The following CNTNAP2 variants were observed in gnomAD, a reference collection of about 807,000 sequenced individuals.
The protein encoded by CNTNAP2 is contactin-associated protein-like 2.
CNTNAP2 carries 98 observed loss-of-function variants against 155.2 expected under a neutral mutation model. The ratio of observed to expected loss-of-function variants is 0.63; its 90% CI spans 0.54 to 0.75. The LOEUF is 0.75. CNTNAP2 is among the 30% of genes least tolerant of loss of function. The pLI is 0.00. For missense variants in CNTNAP2, 1,727 were observed against 1,688.1 expected, an observed-to-expected ratio of 1.02 and a Z score of -0.40; for synonymous variants, 651 against 631.2, an observed-to-expected ratio of 1.03 and a Z score of -0.47.
intron 4 of CNTNAP2, among the ~76,000 whole-genome samples, chr7:147,104,483 T>C (rs1239898682): frequency 2.6e-5 from 4 of 151,896 alleles, no homozygotes; most frequent in Admixed American, 6.6e-5. Flanking sequence ...TCATTGGTTA[T>C]TTCAGTAAAA....
intron 1 of CNTNAP2, among the ~76,000 whole-genome samples, chr7:146,512,504 T>C (rs1187021376): frequency 6.6e-6 from 1 of 151,140 alleles, no homozygotes; most frequent in East Asian, 1.9e-4. Context: ...TTCTCTTGTT[T>C]CTTTTTTTTT....
At chr7:146,245,933 G>A (rs190899939) in intron 1 of CNTNAP2, among the ~76,000 whole-genome samples, 3 of 123,522 alleles carry the variant, frequency 2.4e-5, no homozygotes, top group Admixed American at 6.9e-5. Flanking sequence ...GATAGGGTTT[G>A]GCACCATGAG....
At chr7:148,269,826 G>A (rs1201342251) in intron 21 of CNTNAP2, among the ~76,000 whole-genome samples, 1 of 152,122 alleles carries the variant, frequency 6.6e-6, no homozygotes, top group Non-Finnish European at 1.5e-5. Context: ...TCTACCAGAG[G>A]TACTCCCACG....
intron 10 of CNTNAP2, among the ~76,000 whole-genome samples, chr7:147,418,574 G>C (rs184171706): frequency 9.3e-4 from 141 of 152,304 alleles, no homozygotes; most frequent in South Asian, 1.9e-3. Context: ...CCAGAGTAAT[G>C]ATAGTCTAAA....
chr7:147,404,447 T>C (rs560287430), intron 10 of CNTNAP2, among the ~76,000 whole-genome samples: 1 of 152,320 alleles, frequency 6.6e-6, no homozygotes, highest in African/African-American at 2.4e-5. Flanking sequence ...TTCTTTCAGG[T>C]AGATACGTTC....
chr7:148,082,736 T>C (rs966591240), intron 15 of CNTNAP2, among the ~76,000 whole-genome samples: 3 of 152,166 alleles, frequency 2.0e-5, no homozygotes, highest in Non-Finnish European at 4.4e-5. Context: ...TGGAGTGCAA[T>C]GGCACCATCT....
chr7:146,223,371 G>T (rs1190656629), intron 1 of CNTNAP2, among the ~76,000 whole-genome samples: 1 of 152,204 alleles, frequency 6.6e-6, no homozygotes, highest in Non-Finnish European at 1.5e-5. Context: ...AAGGCAACAG[G>T]TCTTCTTGGG....
intron 1 of CNTNAP2, among the ~76,000 whole-genome samples, chr7:146,352,990 G>T (rs776704014): frequency 2.0e-4 from 30 of 151,864 alleles, no homozygotes; most frequent in Admixed American, 2.0e-3. Flanking sequence ...TCCTGACCTC[G>T]TGATCTGCCC....
chr7:146,842,776 C>T (rs1050990609), intron 3 of CNTNAP2, among the ~76,000 whole-genome samples: 1 of 151,848 alleles, frequency 6.6e-6, no homozygotes, highest in African/African-American at 2.4e-5. Context: ...AGCTCCGCCT[C>T]CCGGTTTCAC....
At chr7:147,369,048 A>T (rs1437992888) in intron 9 of CNTNAP2, among the ~76,000 whole-genome samples, 5 of 152,198 alleles carry the variant, frequency 3.3e-5, no homozygotes. Context: ...GAGTTTAAGG[A>T]CTTTTGGACT....
chr7:147,211,736 C>A (rs1803150288), intron 8 of CNTNAP2, among the ~76,000 whole-genome samples: 1 of 151,864 alleles, frequency 6.6e-6, no homozygotes, highest in African/African-American at 2.4e-5. Flanking sequence ...TTCTGGACTC[C>A]AGCCTTGGGA....
intron 17 of CNTNAP2, among the ~76,000 whole-genome samples, chr7:148,148,590 T>C (rs1365329855): frequency 1.3e-5 from 2 of 152,258 alleles, no homozygotes; most frequent in Non-Finnish European, 2.9e-5. Context: ...ACTTGGTTGC[T>C]GTTCATATTC....
chr7:147,549,654 C>G (rs536216813), intron 11 of CNTNAP2, among the ~76,000 whole-genome samples: 1 of 152,154 alleles, frequency 6.6e-6, no homozygotes, highest in Non-Finnish European at 1.5e-5. Context: ...AAGACCAATG[C>G]CTCCCATGGC....
intron 9 of CNTNAP2, among the ~76,000 whole-genome samples, chr7:147,313,182 G>C (rs1157776458): frequency 2.6e-5 from 4 of 151,686 alleles, no homozygotes; most frequent in Non-Finnish European, 5.9e-5. Flanking sequence ...AGATGAGCAG[G>C]TTGCAAAACT....
chr7:147,243,395 A>C (rs1318985115), intron 8 of CNTNAP2, among the ~76,000 whole-genome samples: 1 of 152,094 alleles, frequency 6.6e-6, no homozygotes, highest in Non-Finnish European at 1.5e-5. Context: ...ACTTACAGGA[A>C]GACCTGTCCT....
chr7:147,536,421 AAAAC>A (rs375212451), intron 11 of CNTNAP2, among the ~76,000 whole-genome samples: 127 of 152,320 alleles, frequency 8.3e-4, no homozygotes, highest in African/African-American at 2.9e-3. Context: ...TTCATGAAGA[AAAAC>A]AAACAAGAAC....
At chr7:148,070,319 G>A (rs1411051529) in intron 15 of CNTNAP2, among the ~76,000 whole-genome samples, 1 of 152,184 alleles carries the variant, frequency 6.6e-6, no homozygotes, top group South Asian at 2.1e-4. Context: ...AGCATATTAA[G>A]GAATGAAGAC....
chr7:146,368,542 A>C (rs751136340), intron 1 of CNTNAP2, among the ~76,000 whole-genome samples: 2 of 152,110 alleles, frequency 1.3e-5, no homozygotes, highest in Non-Finnish European at 2.9e-5. Context: ...TTCATCCATA[A>C]TAAAGCCTTC....
At position 147,783,879 on chromosome 7, in the gene CNTNAP2, C is replaced by G. The variant is rs151271185; in HGVS notation, c.2099-119686C>G. Among the ~76,000 whole-genome samples the G allele has an allele frequency of 9.5e-4, 144 of 152,302 alleles. 4 individuals carry two copies. In the East Asian group the frequency reaches 0.022, roughly 24 times the overall value. ...AGCAGCTGTAACTTCAACTTCCCAG[C>G]CTCCAAAACTGTAAGAAATAAATTT... On this transcript the variant is annotated intron_variant, in intron 13 of 23. Coordinates refer to ENST00000361727, the MANE Select transcript of CNTNAP2 (RefSeq NM_014141.6).
Sources: gnomAD v4.1 joint callset for allele counts (sites outside exome capture counted in the v4.1 genomes callset) on GRCh38, gnomAD v4.1.1 for gene constraint, MANE v1.5 for transcripts, NCBI Gene and HGNC (gene_info 2026-07-23, HGNC 2026-07-21) for gene names.